The following MYOM2 variants were observed in gnomAD, a reference collection of about 807,000 sequenced individuals.
The protein encoded by MYOM2 is myomesin-2.
In MYOM2, 254 loss-of-function variants were observed where a neutral mutation model predicts 187.6. The ratio of observed to expected loss-of-function variants is 1.35; its 90% CI spans 1.22 to 1.50. The LOEUF (loss-of-function observed/expected upper bound fraction) is 1.50. MYOM2 is among the 40% of genes most tolerant of loss of function. The probability of loss-of-function intolerance (pLI) is 0.00; values close to 1 mark genes in which losing one functional copy is unlikely to be tolerated. For synonymous variants in MYOM2, 981 were observed against 753.8 expected, an observed-to-expected ratio of 1.30 and a Z score of -4.94; for missense variants, 2,796 against 1,924.0, an observed-to-expected ratio of 1.45 and a Z score of -8.48.
chr8:2,049,749 C>A (rs73184800), intron 1 of MYOM2, among the ~76,000 whole-genome samples: 1 of 152,182 alleles, frequency 6.6e-6, no homozygotes, highest in Non-Finnish European at 1.5e-5. Flanking sequence ...ACGGTCCCTA[C>A]GTAACTTTGC....
intron 32 of MYOM2, among the ~76,000 whole-genome samples, chr8:2,137,236 G>A (rs1210602369): frequency 6.6e-6 from 1 of 151,872 alleles, no homozygotes; most frequent in Non-Finnish European, 1.5e-5. Context: ...CGTGATGTGT[G>A]GGAGGATGAG....
At chr8:2,113,261 C>T (rs1044593587) in intron 25 of MYOM2, among the ~76,000 whole-genome samples, 8 of 152,238 alleles carry the variant, frequency 5.3e-5, no homozygotes, top group Admixed American at 2.0e-4. Flanking sequence ...ATGAGTCACA[C>T]ACTGGGATGT....
intron 25 of MYOM2, among the ~76,000 whole-genome samples, chr8:2,115,538 G>C (rs766069134): frequency 2.6e-5 from 4 of 152,218 alleles, no homozygotes; most frequent in Admixed American, 2.0e-4. Flanking sequence ...GCTGTGTCCC[G>C]GGAGCTGAAG....
chr8:2,141,391 G>A (rs1798268887), intron 34 of MYOM2, among the ~76,000 whole-genome samples: 1 of 152,144 alleles, frequency 6.6e-6, no homozygotes, highest in African/African-American at 2.4e-5. Context: ...CAGAGTCATC[G>A]GAACCCCGGA....
In MYOM2 at chr8:2,070,361, CTGGCCGCTGTGGGCG is replaced by C. The variant is rs553014574; in HGVS notation, c.793+870_793+884del. 5.9e-5 allele frequency among the ~76,000 whole-genome samples: 9 copies of C among 152,352 alleles called. No individual in the cohort carries two copies. In the South Asian group the frequency reaches 1.9e-3, roughly 32 times the overall value. On this transcript the variant is annotated intron_variant, in intron 8 of 36. Coordinates refer to ENST00000262113, the MANE Select transcript of MYOM2 (RefSeq NM_003970.4). ...GGAGGGTGGAGCCTCCTGGCAGCTGCTGGCCGCTGTGGGCGTGGCCTCTGCTCGCGATTTCTGTGT... is the reference window on the plus strand; with the variant it reads ...GGAGGGTGGAGCCTCCTGGCAGCTGCTGGCCTCTGCTCGCGATTTCTGTGT...
At position 2,109,445 on chromosome 8, in the gene MYOM2, G is replaced by C. The variant is rs1262906190; in HGVS notation, c.3094G>C (p.Val1032Leu). 1 of 1,612,768 alleles carries C rather than the reference G, an allele frequency of 6.2e-7. No homozygotes were observed. The highest frequency in any genetic ancestry group is 1.3e-5 in the African/African-American group (1 of 74,920). Residue 1032 changes from valine (V) to leucine (L), a missense_variant, in exon 25 of 37, where the codon GTT becomes CTT. Physicochemically the swap from Val to Leu is conservative, Grantham distance 32. Transcript: ENST00000262113. ...LAYEIFDKGRVRFWLQAEHLS... is the reference protein window; with the variant it reads ...LAYEIFDKGRLRFWLQAEHLS... The stretch of plus-strand genomic sequence containing the variant: ...TTATGAGATTTTTGATAAGGGGCGG[G>C]TTCGCTTCTGGCTCCAGGCTGAGCA...
At chr8:2,107,376 G>A (rs1201202954) in intron 23 of MYOM2, among the ~76,000 whole-genome samples, 2 of 152,146 alleles carry the variant, frequency 1.3e-5, no homozygotes, top group African/African-American at 4.8e-5. Context: ...CTATTAAAGT[G>A]CTCTCCAGGG....
chr8:2,064,625 G>T (rs1403027225), intron 6 of MYOM2, among the ~76,000 whole-genome samples: 1 of 152,210 alleles, frequency 6.6e-6, no homozygotes, highest in East Asian at 1.9e-4. Flanking sequence ...GTGACTTGAT[G>T]AGCTAATCAG....
At chr8:2,118,596 T>C (rs1227624816) in intron 28 of MYOM2, among the ~76,000 whole-genome samples, 12 of 152,176 alleles carry the variant, frequency 7.9e-5, no homozygotes, top group Admixed American at 7.9e-4. Flanking sequence ...CTAAGAATTA[T>C]GCAGGCCAGT....
chr8:2,051,688 T>G (rs772385183), intron 2 of MYOM2, among the ~76,000 whole-genome samples: 31 of 152,204 alleles, frequency 2.0e-4, no homozygotes, highest in Non-Finnish European at 4.4e-4. Flanking sequence ...AGAAAGACTG[T>G]GGCCGGCACT....
chr8:2,135,561 T>C (rs139334333), intron 32 of MYOM2, among the ~76,000 whole-genome samples: 19,773 of 152,060 alleles, frequency 0.13, 2,173 homozygotes, highest in African/African-American at 0.28. Context: ...CCGTCACAGT[T>C]GACCATCCTG....
chr8:2,054,966 AACCAAGTACCTGGATACTGGGGGG>A (rs1337966091), intron 3 of MYOM2, among the ~76,000 whole-genome samples: 6,147 of 136,126 alleles, frequency 0.045, 1,866 homozygotes, highest in Non-Finnish European at 0.071. Flanking sequence ...ATACTGGGGG[AACCAAGTACCTGGATACTGGGGGG>A]ACGAAGTACC....
rs555367835 is a variant in MYOM2, at chr8:2,140,880, G to A, written c.3958G>A (p.Gly1320Arg). The A allele has an allele frequency of 5.0e-6, 8 of 1,608,768 alleles. No homozygotes were observed. The highest frequency in any genetic ancestry group is 1.7e-4 in the Middle Eastern group (1 of 6,038). The stretch of plus-strand genomic sequence containing the variant: ...CCATCAACGCTCCCTTGACCTGTCC[G>A]GACAAGGTAAGAGAATTCTTCTTTA... ...DNHQRSLDLS[G>R]QAFDEAFAEF... The change falls in exon 33 of 37, where the codon GGA becomes AGA. Residue 1320 changes from glycine (G) to arginine (R), a missense_variant. By Grantham distance (125) the Gly-to-Arg change is moderately radical. Coordinates refer to ENST00000262113, the MANE Select transcript of MYOM2 (RefSeq NM_003970.4).
intron 32 of MYOM2, among the ~76,000 whole-genome samples, chr8:2,129,485 C>G (rs974500464): frequency 1.3e-5 from 2 of 152,160 alleles, no homozygotes; most frequent in Non-Finnish European, 2.9e-5. Flanking sequence ...GTCTCAGTCA[C>G]CAAAGGTGGC....
chr8:2,120,984 G>T (rs79799538), intron 28 of MYOM2, among the ~76,000 whole-genome samples: 5,433 of 151,890 alleles, frequency 0.036, 100 homozygotes, highest in Middle Eastern at 0.051. Context: ...TATAAAAGAA[G>T]AGAAGGTTAC....
rs1415899194 is a variant in MYOM2 at position 2,090,079 on chromosome 8, G to A, written c.1716G>A (p.Val572=). Reference sequence around the variant, plus strand: ...CTGTGAGATCCCCGAGATATGCCGTGTTTGACCTCATGGAAGGGAAGTCTT... The same window carrying A: ...CTGTGAGATCCCCGAGATATGCCGTATTTGACCTCATGGAAGGGAAGTCTT... ...QTAVRSPRYA[V]FDLMEGKSYV... Residue 572 remains valine (V), a synonymous_variant, in exon 15 of 37, where the codon GTG becomes GTA. Transcript: ENST00000262113. 1 of 1,614,088 alleles carries A rather than the reference G, an allele frequency of 6.2e-7. No individual in the cohort carries two copies. The highest frequency in any genetic ancestry group is 1.7e-5 in the Admixed American group (1 of 60,026).
chr8:2,124,524 C>A (rs868630082), intron 31 of MYOM2, among the ~76,000 whole-genome samples: 6 of 152,212 alleles, frequency 3.9e-5, no homozygotes, highest in Non-Finnish European at 7.3e-5. Context: ...CTATGAGCAG[C>A]TTTTTACATA....
intron 34 of MYOM2, among the ~76,000 whole-genome samples, chr8:2,141,709 G>A (rs962202191): frequency 1.3e-5 from 2 of 152,132 alleles, no homozygotes; most frequent in African/African-American, 4.8e-5. Context: ...TATGTTTCTG[G>A]TCGGAGGTGT....
At chr8:2,107,845 C>T (rs1321033275) in intron 23 of MYOM2, among the ~76,000 whole-genome samples, 1 of 152,222 alleles carries the variant, frequency 6.6e-6, no homozygotes, top group African/African-American at 2.4e-5. Context: ...CATTCCTCTG[C>T]ACCATTTCAA....
Sources: gnomAD v4.1 joint callset for allele counts (sites outside exome capture counted in the v4.1 genomes callset) on GRCh38, gnomAD v4.1.1 for gene constraint, MANE v1.5 for transcripts, NCBI Gene and HGNC (gene_info 2026-07-23, HGNC 2026-07-21) for gene names.